MYO5A: variants seen among roughly 807,000 people sequenced by gnomAD.
The protein encoded by MYO5A is myosin VA, also known as unconventional myosin-Va.
MYO5A carries 98 observed loss-of-function variants against 249.7 expected under a neutral mutation model. That is an observed-to-expected ratio of 0.39 (90% CI 0.33 to 0.46). MYO5A has a LOEUF of 0.46. Ranked by LOEUF, MYO5A falls within the 20% of genes least tolerant of loss-of-function variation. MYO5A has a pLI of 0.98. For synonymous variants in MYO5A, 778 were observed against 810.6 expected (o/e 0.96, Z 0.68); for missense variants, 1,696 against 2,308.8 (o/e 0.73, Z 5.44).
intron 1 of MYO5A, chr15:52,505,923 C>G: frequency 1.4e-6 from 2 of 1,457,880 alleles, no homozygotes; most frequent in Non-Finnish European, 1.8e-6. Flanking sequence ...AAAAATTTTT[C>G]AGACTCTTGG....
intron 4 of MYO5A, among the ~76,000 whole-genome samples, chr15:52,424,733 G>A (rs1300155220): frequency 1.3e-5 from 2 of 152,068 alleles, no homozygotes; most frequent in African/African-American, 2.4e-5. Flanking sequence ...TATTTATAAT[G>A]TGTTCTGCTT....
intron 20 of MYO5A, among the ~76,000 whole-genome samples, chr15:52,372,794 A>C (rs1038864044): frequency 6.6e-5 from 10 of 152,188 alleles, no homozygotes; most frequent in African/African-American, 2.4e-4. Context: ...GGCATCCTGT[A>C]AACTATGTGC....
At chr15:52,466,450 A>G (rs543388495) in intron 1 of MYO5A, among the ~76,000 whole-genome samples, 398 of 152,328 alleles carry the variant, frequency 2.6e-3, no homozygotes, top group Non-Finnish European at 4.6e-3. Flanking sequence ...CCAAGACTGC[A>G]CTGCAGACGA....
intron 1 of MYO5A, among the ~76,000 whole-genome samples, chr15:52,506,827 G>A (rs1345398461): frequency 6.6e-6 from 1 of 152,152 alleles, no homozygotes; most frequent in Non-Finnish European, 1.5e-5. Flanking sequence ...AGAATGAAAC[G>A]CTGTCTCAAA....
In MYO5A at chr15:52,336,498, A is replaced by T; in HGVS notation, c.4373T>A (p.Leu1458Gln). 4 of 1,608,438 alleles carry T rather than the reference A, an allele frequency of 2.5e-6. No individual in the cohort carries two copies. Among genetic ancestry groups the T allele is most frequent in the Non-Finnish European group, 3.4e-6 (4 of 1,176,490 alleles). The change falls in exon 34 of 42, where the codon CTG becomes CAG. Residue 1458 changes from leucine (L) to glutamine (Q), a missense_variant. Leu to Gln is a moderately radical substitution (Grantham distance 113). Transcript: ENST00000399233. ...GCCAATTTTTTTGGCAAATACTTTC[A>T]GTTGTTTTTTCAGTTTACGGACCGT... ...DKTVRKLKKQLKVFAKKIGEL... is the reference protein window; with the variant it reads ...DKTVRKLKKQQKVFAKKIGEL...
chr15:52,366,111 C>T (rs1483818028), intron 23 of MYO5A, among the ~76,000 whole-genome samples: 2 of 152,106 alleles, frequency 1.3e-5, no homozygotes, highest in African/African-American at 2.4e-5. Context: ...TATCTTTAGG[C>T]TCCCTTCTTA....
chr15:52,325,764 T>G lies in MYO5A; in HGVS notation c.4710+2088A>C, dbSNP rs147044451. Among the ~76,000 whole-genome samples, 382 of 152,110 alleles carry G rather than the reference T, an allele frequency of 2.5e-3. 3 individuals are homozygous for G. Among genetic ancestry groups the G allele is most frequent in the African/African-American group, 8.5e-3 (354 of 41,470 alleles). On this transcript the variant is annotated intron_variant, in intron 36 of 41. Transcript: ENST00000399233. ...ACACTAAGGGTATCCTCTGTCCACA[T>G]GAAAATGAGATACTCTATATTACTT...
chr15:52,421,937 A>G (rs1302353329), intron 4 of MYO5A, among the ~76,000 whole-genome samples: 1 of 152,232 alleles, frequency 6.6e-6, no homozygotes, highest in African/African-American at 2.4e-5. Flanking sequence ...ATTTAAATAA[A>G]TGAAACTTAG....
intron 1 of MYO5A, among the ~76,000 whole-genome samples, chr15:52,501,279 T>C (rs1405138568): frequency 4.0e-5 from 6 of 148,322 alleles, no homozygotes. Flanking sequence ...CCAGAAAACG[T>C]TTTTTTTTTA....
At chr15:52,506,211 C>T (rs1227414819) in intron 1 of MYO5A, among the ~76,000 whole-genome samples, 2 of 152,038 alleles carry the variant, frequency 1.3e-5, no homozygotes, top group Non-Finnish European at 2.9e-5. Flanking sequence ...ATTAGCCGGG[C>T]ATGGTGGCAG....
At chr15:52,413,377 CATGAA>C (rs2043334829) in intron 5 of MYO5A, among the ~76,000 whole-genome samples, 2 of 151,490 alleles carry the variant, frequency 1.3e-5, no homozygotes, top group Non-Finnish European at 2.9e-5. Flanking sequence ...AAAATGAAAA[CATGAA>C]ATGAAGCAAA....
Position 52,508,626 on chromosome 15 carries a change from C to T in MYO5A, c.27+20154G>A, listed in dbSNP as rs150545379. ...TTGGGCTATTATTCCCCGCCTCACC[C>T]CCACCCCCTGCCAAAACATTAACCC... On this transcript the variant is annotated intron_variant, in intron 1 of 41. Coordinates refer to ENST00000399233, the MANE Select transcript of MYO5A (RefSeq NM_001382347.1). Among the ~76,000 whole-genome samples, 69 of 152,252 alleles carry T rather than the reference C, an allele frequency of 4.5e-4. 1 individual carries two copies. In the East Asian group the frequency reaches 7.3e-3, roughly 16 times the overall value.
chr15:52,327,829 A>C, intron 36 of MYO5A, 23 bp downstream of exon 36: 1 of 1,601,048 alleles, frequency 6.2e-7, no homozygotes, highest in Non-Finnish European at 8.6e-7. Context: ...TCATGATGAG[A>C]ATTTTGTTGA....
chr15:52,310,023 G>A lies in MYO5A; in HGVS notation c.*3673C>T, dbSNP rs929092518. The A allele has an allele frequency of 1.3e-5, 2 of 152,144 alleles. No individual in the cohort carries two copies. Among genetic ancestry groups the A allele is most frequent in the African/African-American group, 4.8e-5 (2 of 41,408 alleles). 9.4% of individuals were successfully genotyped at this position (152,144 alleles called of 1,614,324 possible). On this transcript the variant is annotated 3_prime_UTR_variant, in exon 42 of 42. Transcript: ENST00000399233. ...TCATAGCCTCCCCTAACATGTAGCT[G>A]TAACCTTAGTAAAAGATTTGATCTA... is the stretch of plus-strand genomic sequence containing the variant.
rs372637495 is a variant in MYO5A at position 52,367,064 on chromosome 15, G to A, written c.3127C>T (p.His1043Tyr). ...TCCTTAGCCTGCTGCACGATGCGGT[G>A]ATTGAGGGCTTCTTTTTCTTGCTTC... ...LLKQEKEALN[H>Y]RIVQQAKEMT... The change falls in exon 23 of 42, where the codon CAC becomes TAC. Residue 1043 changes from histidine (H) to tyrosine (Y), a missense_variant. Physicochemically the swap from His to Tyr is moderately conservative, Grantham distance 83. This residue lies in a region of MYO5A where 412 missense variants were observed against 453.3 expected (regional missense o/e 0.91). Transcript: ENST00000399233. The A allele has an allele frequency of 6.8e-6, 11 of 1,613,768 alleles. No individual in the cohort carries two copies. The African/African-American group carries it at 1.1e-4, about 16-fold the overall frequency.
chr15:52,388,351 C>G (rs976134438), intron 13 of MYO5A, among the ~76,000 whole-genome samples: 1 of 152,184 alleles, frequency 6.6e-6, no homozygotes, highest in African/African-American at 2.4e-5. Context: ...AGGTGAAAAG[C>G]TGCTGATGGA....
rs151010875 is a variant in MYO5A at position 52,314,643 on chromosome 15, G to A, written c.5410-440C>T. Among the ~76,000 whole-genome samples the A allele has an allele frequency of 5.4e-3, 814 of 152,090 alleles. 8 individuals are homozygous for A. Among genetic ancestry groups the A allele is most frequent in the African/African-American group, 0.019 (781 of 41,454 alleles). ...AACTTTTCTCCATATAAAAATGTTA[G>A]CCGTATTAATACAATTATCTCTTTT... is the stretch of plus-strand genomic sequence containing the variant. On this transcript the variant is annotated intron_variant, in intron 40 of 41. Coordinates refer to ENST00000399233, the MANE Select transcript of MYO5A (RefSeq NM_001382347.1).
chr15:52,454,144 T>C (rs994449380), intron 1 of MYO5A, among the ~76,000 whole-genome samples: 2 of 152,052 alleles, frequency 1.3e-5, no homozygotes, highest in Non-Finnish European at 2.9e-5. Context: ...AAGACATACG[T>C]AGACTGAAAG....
chr15:52,502,384 C>A (rs17651623), intron 1 of MYO5A, among the ~76,000 whole-genome samples: 22,862 of 152,180 alleles, frequency 0.15, 1,823 homozygotes, highest in Middle Eastern at 0.22. Flanking sequence ...GGGTCTAACA[C>A]TGAACAACAG....
Sources: allele counts gnomAD v4.1 joint callset (sites outside exome capture counted in the v4.1 genomes callset), GRCh38; gene constraint gnomAD v4.1.1; regional missense constraint gnomAD v4.1.1; transcripts MANE v1.5; gene names NCBI Gene and HGNC (gene_info 2026-07-23, HGNC 2026-07-21).